The following AGBL4 variants were observed in gnomAD, a reference collection of about 807,000 sequenced individuals.
The protein encoded by AGBL4 is cytosolic carboxypeptidase 6.
A neutral mutation model predicts 66.4 loss-of-function variants in AGBL4; 58 were observed. The observed-to-expected ratio is 0.87, with a 90% CI of 0.71 to 1.09. The LOEUF is 1.09. Ranked by LOEUF, AGBL4 falls within the 50% of genes least tolerant of loss-of-function variation. AGBL4 has a pLI of 0.00. For synonymous variants in AGBL4, 234 were observed against 222.9 expected (o/e 1.05, Z -0.44); for missense variants, 579 against 631.0 (o/e 0.92, Z 0.88).
At chr1:49,284,977 C>T (rs1226473038) in intron 3 of AGBL4, among the ~76,000 whole-genome samples, 14 of 150,500 alleles carry the variant, frequency 9.3e-5, no homozygotes, top group East Asian at 3.9e-4. Context: ...GACAGAAAGT[C>T]AACAAGGATA....
At chr1:49,402,233 T>C (rs1229871228) in intron 3 of AGBL4, among the ~76,000 whole-genome samples, 1 of 152,176 alleles carries the variant, frequency 6.6e-6, no homozygotes, top group African/African-American at 2.4e-5. Context: ...CTTTGGTTTG[T>C]TCTTGATTTT....
At chr1:48,671,836 T>C (rs1263569896) in intron 6 of AGBL4, among the ~76,000 whole-genome samples, 1 of 152,228 alleles carries the variant, frequency 6.6e-6, no homozygotes, top group Non-Finnish European at 1.5e-5. Flanking sequence ...AAGTAGTATT[T>C]GTTGCCCTTT....
At chr1:49,228,058 C>T (rs1650039354) in intron 4 of AGBL4, among the ~76,000 whole-genome samples, 1 of 152,140 alleles carries the variant, frequency 6.6e-6, no homozygotes, top group African/African-American at 2.4e-5. Context: ...TAGATTAGAA[C>T]AGAGGAACAT....
rs201991102 is a variant in AGBL4, at chr1:48,663,230, C to T, written c.646G>A (p.Glu216Lys). ...LTITSPDNLR[E>K]GAEQKVVFIT... Reference sequence around the variant, plus strand: ...AATACCACCTTCTGCTCTGCCCCTTCCCGGAGATTGTCTGTAAGATAAAAT... The same window carrying T: ...AATACCACCTTCTGCTCTGCCCCTTTCCGGAGATTGTCTGTAAGATAAAAT... The change falls in exon 7 of 14, where the codon GAA becomes AAA. Residue 216 changes from glutamate (E) to lysine (K), a missense_variant. Physicochemically the swap from Glu to Lys is moderately conservative, Grantham distance 56. Transcript: ENST00000371839. The T allele has an allele frequency of 1.1e-3, 1,815 of 1,613,894 alleles. 2 individuals are homozygous for T. Among genetic ancestry groups the T allele is most frequent in the Non-Finnish European group, 1.4e-3 (1,705 of 1,179,832 alleles).
At chr1:49,826,761 C>T (rs1383520951) in intron 2 of AGBL4, among the ~76,000 whole-genome samples, 4 of 152,156 alleles carry the variant, frequency 2.6e-5, no homozygotes, top group Non-Finnish European at 5.9e-5. Context: ...ATGTTTTGTG[C>T]ACCTATTAAG....
chr1:49,868,482 A>T (rs1479585810), intron 1 of AGBL4, among the ~76,000 whole-genome samples: 2 of 152,222 alleles, frequency 1.3e-5, no homozygotes, highest in African/African-American at 4.8e-5. Flanking sequence ...ATCTGTGACA[A>T]ACCTGACAAA....
intron 3 of AGBL4, among the ~76,000 whole-genome samples, chr1:49,365,042 T>C (rs936690085): frequency 6.6e-6 from 1 of 152,204 alleles, no homozygotes; most frequent in African/African-American, 2.4e-5. Context: ...ATTATTACTA[T>C]TTTAATATGA....
chr1:49,778,716 A>C lies in AGBL4; in HGVS notation c.157+72680T>G, dbSNP rs572660042. Among the ~76,000 whole-genome samples the C allele has an allele frequency of 7.9e-5, 12 of 152,332 alleles. No individual in the cohort carries two copies. The South Asian group carries it at 2.5e-3, about 32-fold the overall frequency. ...GGTCTTTAATTGGAATAAACAATTT[A>C]TACCAAATACAACATGTTCTCATAA... On this transcript the variant is annotated intron_variant, in intron 2 of 13. Coordinates refer to ENST00000371839, the MANE Select transcript of AGBL4 (RefSeq NM_032785.4).
At chr1:49,859,684 A>T (rs1646520524) in intron 1 of AGBL4, among the ~76,000 whole-genome samples, 1 of 151,950 alleles carries the variant, frequency 6.6e-6, no homozygotes, top group African/African-American at 2.4e-5. Flanking sequence ...ACTAAAAATT[A>T]CCCCCCAGTA....
chr1:49,217,114 C>T (rs542008385), intron 4 of AGBL4, among the ~76,000 whole-genome samples: 1 of 152,088 alleles, frequency 6.6e-6, no homozygotes, highest in South Asian at 2.1e-4. Flanking sequence ...TCTCCTTTAA[C>T]CCATCTAGAC....
intron 3 of AGBL4, among the ~76,000 whole-genome samples, chr1:49,404,162 T>G (rs928073113): frequency 6.6e-6 from 1 of 152,144 alleles, no homozygotes; most frequent in African/African-American, 2.4e-5. Flanking sequence ...CCCCTAGTGA[T>G]GCTGTATTTA....
intron 3 of AGBL4, among the ~76,000 whole-genome samples, chr1:49,474,670 T>TA (rs941019427): frequency 2.0e-5 from 3 of 152,064 alleles, no homozygotes; most frequent in Admixed American, 6.5e-5. Context: ...CTGAACTATT[T>TA]AAAAAAATAG....
chr1:48,978,444 A>AGCTTCTTT (rs1281045338), intron 5 of AGBL4, among the ~76,000 whole-genome samples: 1 of 152,134 alleles, frequency 6.6e-6, no homozygotes, highest in Non-Finnish European at 1.5e-5. Context: ...TCCAGCTTCC[A>AGCTTCTTT]GCTTCTTTTG....
chr1:49,950,022 G>A (rs78385111), intron 1 of AGBL4, among the ~76,000 whole-genome samples: 24 of 1,444 alleles, frequency 0.017, no homozygotes, highest in Non-Finnish European at 0.092. Context: ...ACACACATAT[G>A]TGTGTGTGTG....
At chr1:49,156,607 G>A (rs1381230360) in intron 4 of AGBL4, among the ~76,000 whole-genome samples, 14 of 152,092 alleles carry the variant, frequency 9.2e-5, no homozygotes, top group Admixed American at 9.2e-4. Context: ...CATTACATAG[G>A]CCTTTCCATA....
rs145224548 is a variant in AGBL4, at chr1:49,936,355, G to A, written c.35-84837C>T. Among the ~76,000 whole-genome samples, 1,233 of 152,270 alleles carry A rather than the reference G, an allele frequency of 8.1e-3. 46 individuals are homozygous for A. The highest frequency in any genetic ancestry group is 0.059 in the Admixed American group (900 of 15,288). ...GACTATGTGAAAAGACCAAATCTGC[G>A]TCTGATTGGGGTACCTTAAAGTGAC... is the stretch of plus-strand genomic sequence containing the variant. On this transcript the variant is annotated intron_variant, in intron 1 of 13. Coordinates refer to ENST00000371839, the MANE Select transcript of AGBL4 (RefSeq NM_032785.4).
chr1:48,536,734 C>T (rs915800457), intron 12 of AGBL4, among the ~76,000 whole-genome samples: 1 of 152,238 alleles, frequency 6.6e-6, no homozygotes, highest in Non-Finnish European at 1.5e-5. Flanking sequence ...AGAGGCCACA[C>T]TCATGCTCTG....
At chr1:49,587,023 C>T (rs1043844613) in intron 3 of AGBL4, among the ~76,000 whole-genome samples, 1 of 152,058 alleles carries the variant, frequency 6.6e-6, no homozygotes, top group Non-Finnish European at 1.5e-5. Flanking sequence ...TTGAGTGGAT[C>T]ACCTGAGGTC....
At chr1:49,665,512 T>C (rs1003273061) in intron 3 of AGBL4, among the ~76,000 whole-genome samples, 4 of 152,150 alleles carry the variant, frequency 2.6e-5, no homozygotes, top group African/African-American at 7.2e-5. Context: ...CCTAGTACAA[T>C]GTGTGGCATA....
Sources: gnomAD v4.1 joint callset for allele counts (sites outside exome capture counted in the v4.1 genomes callset) on GRCh38, gnomAD v4.1.1 for gene constraint, MANE v1.5 for transcripts, NCBI Gene and HGNC (gene_info 2026-07-23, HGNC 2026-07-21) for gene names.